ZMYM6: variants seen among roughly 807,000 people sequenced by gnomAD.
ZMYM6 encodes zinc finger MYM-type containing 6, also known as zinc finger MYM-type protein 6.
A neutral mutation model predicts 134.0 loss-of-function variants in ZMYM6; 90 were observed. That is an observed-to-expected ratio of 0.67 (90% confidence interval 0.57 to 0.80). The LOEUF (loss-of-function observed/expected upper bound fraction) is 0.80, where lower values mean the gene tolerates loss of function less well. Among genes scored for constraint, ZMYM6 ranks in the 30% least tolerant of loss-of-function variants. ZMYM6 has a pLI of 0.00. For synonymous variants in ZMYM6, 481 were observed against 524.1 expected (o/e 0.92, Z 1.12); for missense variants, 1,362 against 1,533.9 (o/e 0.89, Z 1.87).
intron 2 of ZMYM6, among the ~76,000 whole-genome samples, chr1:35,029,302 G>C (rs912557201): frequency 1.1e-4 from 17 of 152,210 alleles, no homozygotes; most frequent in Non-Finnish European, 5.9e-5. Context: ...TTATCATAGA[G>C]AAGCAGAATA....
Position 35,020,429 on chromosome 1 carries a change from A to G in ZMYM6, c.132T>C (p.Ser44=). The change falls in exon 3 of 16, where the codon AGT becomes AGC. Residue 44 remains serine (S), a synonymous_variant. Coordinates refer to ENST00000357182, the MANE Select transcript of ZMYM6 (RefSeq NM_007167.4). ...AAGACACACCACCAATTTTCAATTTACTTTCTTGAGTTTTTGGCTGTTGGA... is the reference window on the plus strand; with the variant it reads ...AAGACACACCACCAATTTTCAATTTGCTTTCTTGAGTTTTTGGCTGTTGGA... ...GCVQQPKTQE[S]KLKIGGVSSV... is the part of the protein sequence containing the mutation. The G allele has an allele frequency of 6.2e-7, 1 of 1,612,618 alleles. No homozygotes were observed. Among genetic ancestry groups the G allele is most frequent in the Admixed American group, 1.7e-5 (1 of 59,878 alleles).
chr1:35,003,768 C>T, intron 14 of ZMYM6, 200 bp downstream of exon 14: 1 of 524,188 alleles, frequency 1.9e-6, no homozygotes, highest in South Asian at 2.3e-5. Flanking sequence ...ACATCATCTT[C>T]AAAAACAGTA....
chr1:35,018,485 A>C (rs1026838478), intron 4 of ZMYM6: 2 of 151,708 alleles, frequency 1.3e-5, no homozygotes, highest in African/African-American at 4.8e-5. Flanking sequence ...TTATATACAC[A>C]TATATTTATT....
At chr1:35,006,878 T>C in intron 12 of ZMYM6, 73 bp downstream of exon 12, 1 of 1,254,112 alleles carries the variant, frequency 8.0e-7, no homozygotes, top group South Asian at 3.2e-5. Flanking sequence ...TTTTATTATA[T>C]TATTTATAAC....
chr1:35,028,887 T>G (rs1051512202), intron 2 of ZMYM6, among the ~76,000 whole-genome samples: 1 of 152,082 alleles, frequency 6.6e-6, no homozygotes, highest in Non-Finnish European at 1.5e-5. Context: ...CATCTTACTT[T>G]CTCACTTAAA....
At chr1:34,996,947 C>T (rs1360894776) in intron 14 of ZMYM6, among the ~76,000 whole-genome samples, 1 of 152,194 alleles carries the variant, frequency 6.6e-6, no homozygotes, top group African/African-American at 2.4e-5. Context: ...TGTTTTCAAG[C>T]TTCTGCTACT....
intron 15 of ZMYM6, chr1:34,990,438 G>A (rs1247850203): frequency 1.9e-5 from 3 of 161,182 alleles, no homozygotes; most frequent in Non-Finnish European, 2.8e-5. Flanking sequence ...AGCCGAGATC[G>A]CGCCACTACA....
chr1:35,031,632 A>C (rs570865946), intron 1 of ZMYM6, 183 bp downstream of exon 1: 1 of 152,038 alleles, frequency 6.6e-6, no homozygotes, highest in Non-Finnish European at 1.5e-5. Flanking sequence ...AGGACTAACG[A>C]GGCAATGTGG....
chr1:35,020,327 TAA>T (rs1641282694), intron 3 of ZMYM6, 54 bp downstream of exon 3: 4 of 1,486,874 alleles, frequency 2.7e-6, no homozygotes, highest in Middle Eastern at 1.8e-4. Context: ...CCCTCAATTT[TAA>T]AAGTCAGAAT....
chr1:35,021,987 T>C (rs1569791467), intron 2 of ZMYM6, among the ~76,000 whole-genome samples: 1 of 152,204 alleles, frequency 6.6e-6, no homozygotes, highest in South Asian at 2.1e-4. Flanking sequence ...AAATGGCAGT[T>C]GTATTTTTAA....
intron 2 of ZMYM6, among the ~76,000 whole-genome samples, chr1:35,027,998 C>A (rs1316448014): frequency 6.6e-6 from 1 of 152,090 alleles, no homozygotes; most frequent in Non-Finnish European, 1.5e-5. Context: ...ACAAAACCTA[C>A]CTGACATCCC....
chr1:35,003,020 GA>G (rs1020504410), intron 14 of ZMYM6, among the ~76,000 whole-genome samples: 2 of 150,488 alleles, frequency 1.3e-5, no homozygotes, highest in South Asian at 2.1e-4. Flanking sequence ...CTCAACAAAA[GA>G]AAAAAAACAA....
intron 14 of ZMYM6, among the ~76,000 whole-genome samples, chr1:34,999,708 G>C (rs1278370132): frequency 6.6e-6 from 1 of 151,986 alleles, no homozygotes; most frequent in Non-Finnish European, 1.5e-5. Flanking sequence ...ATAACAATAA[G>C]ATACCACCAA....
At chr1:35,003,880 A>G (rs528151019) in intron 14 of ZMYM6, 88 bp downstream of exon 14, 4 of 1,210,554 alleles carry the variant, frequency 3.3e-6, no homozygotes, top group Non-Finnish European at 4.8e-6. Context: ...GCAAAAAGAA[A>G]AGTATTCAGA....
intron 4 of ZMYM6, among the ~76,000 whole-genome samples, chr1:35,015,743 A>AAAAAAAAAAAATATATATATATAT: frequency 2.8e-5 from 3 of 106,462 alleles, no homozygotes; most frequent in African/African-American, 2.0e-4. Context: ...AAAAAAAAAA[A>AAAAAAAAAAAATATATATATATAT]ATATATATAT....
chr1:35,015,616 C>T (rs1016636678), intron 4 of ZMYM6, among the ~76,000 whole-genome samples: 1 of 148,114 alleles, frequency 6.8e-6, no homozygotes, highest in Admixed American at 6.8e-5. Flanking sequence ...CCCAGCTACT[C>T]GGGAGGCTGA....
chr1:35,002,139 T>TAA (rs1417574069), intron 14 of ZMYM6, among the ~76,000 whole-genome samples: 2 of 152,200 alleles, frequency 1.3e-5, no homozygotes, highest in Non-Finnish European at 2.9e-5. Flanking sequence ...GTTGCTTTTG[T>TAA]TCTTCTAATT....
intron 4 of ZMYM6, chr1:35,018,337 T>C (rs1641242695): frequency 6.6e-6 from 1 of 151,782 alleles, no homozygotes; most frequent in African/African-American, 2.4e-5. Context: ...AAAAATCCTC[T>C]CTCCTCTTTA....
rs1256986112 is a variant in ZMYM6 at position 35,017,597 on chromosome 1, C to T, written c.428+1756G>A. On this transcript the variant is annotated intron_variant, in intron 4 of 15. Transcript: ENST00000357182. The stretch of plus-strand genomic sequence containing the variant: ...ACCACACCTTCCAACAATAACATAG[C>T]TCAAAACATTTTTCTAATTTTTTTA... The T allele has an allele frequency of 5.3e-5, 8 of 152,166 alleles. No individual in the cohort carries two copies. The East Asian group carries it at 1.3e-3, about 26-fold the overall frequency. 9.4% of individuals were successfully genotyped at this position (152,166 alleles called of 1,614,324 possible).
Sources: allele counts gnomAD v4.1 joint callset (sites outside exome capture counted in the v4.1 genomes callset), GRCh38; gene constraint gnomAD v4.1.1; transcripts MANE v1.5; gene names NCBI Gene and HGNC (gene_info 2026-07-23, HGNC 2026-07-21).